TULP3: variants seen among roughly 807,000 people sequenced by gnomAD.
The protein encoded by TULP3 is tubby-related protein 3.
Under a neutral mutation model 50.7 loss-of-function variants are expected in TULP3, and 38 were observed. The observed-to-expected ratio is 0.75, with a 90% CI of 0.58 to 0.98. The LOEUF (loss-of-function observed/expected upper bound fraction) is 0.98. Ranked by LOEUF, TULP3 falls within the 50% of genes least tolerant of loss-of-function variation. The pLI is 0.00. For synonymous variants in TULP3, 183 were observed against 196.6 expected (o/e 0.93, Z 0.58); for missense variants, 550 against 568.0 (o/e 0.97, Z 0.32).
At chr12:2,930,621 C>T (rs958355770) in intron 5 of TULP3, among the ~76,000 whole-genome samples, 1 of 152,076 alleles carries the variant, frequency 6.6e-6, no homozygotes, top group Admixed American at 6.6e-5. Context: ...GACAGGGTTT[C>T]ACCATGTTTG....
chr12:2,892,872 AAT>A (rs2098173035), intron 1 of TULP3, among the ~76,000 whole-genome samples: 1 of 118,018 alleles, frequency 8.5e-6, no homozygotes, highest in African/African-American at 3.7e-5. Context: ...TTTTAATTTT[AAT>A]TTTTTTTTTT....
At chr12:2,938,965 A>G (rs1043270305) in intron 10 of TULP3, among the ~76,000 whole-genome samples, 4 of 150,764 alleles carry the variant, frequency 2.7e-5, no homozygotes, top group African/African-American at 4.9e-5. Flanking sequence ...TCTGTATCAT[A>G]AATAGGATCC....
intron 2 of TULP3, among the ~76,000 whole-genome samples, chr12:2,917,564 A>G (rs371950012): frequency 1.1e-3 from 162 of 152,166 alleles, no homozygotes; most frequent in African/African-American, 3.6e-3. Context: ...ACCACAGCAG[A>G]AAACTCCTTT....
At chr12:2,937,880 C>CA (rs2098202381) in intron 9 of TULP3, 151 bp downstream of exon 9, 1 of 865,356 alleles carries the variant, frequency 1.2e-6, no homozygotes, top group Middle Eastern at 3.4e-4. Context: ...GCTGCCCCTC[C>CA]AAAACCTCAG....
chr12:2,903,423 G>A (rs565871161), intron 1 of TULP3, among the ~76,000 whole-genome samples: 4 of 151,590 alleles, frequency 2.6e-5, no homozygotes, highest in African/African-American at 9.7e-5. Context: ...TTAGCCAGGC[G>A]TGGTGGTGCA....
intron 4 of TULP3, among the ~76,000 whole-genome samples, chr12:2,925,687 C>T (rs1385821102): frequency 6.6e-6 from 1 of 152,124 alleles, no homozygotes; most frequent in African/African-American, 2.4e-5. Flanking sequence ...ATTTTTACAA[C>T]AAAAGAAAGT....
chr12:2,917,650 G>A (rs2098189384), intron 2 of TULP3, among the ~76,000 whole-genome samples: 3 of 151,938 alleles, frequency 2.0e-5, no homozygotes, highest in Admixed American at 2.0e-4. Flanking sequence ...GGCCAAGGCG[G>A]GCGGATCATG....
chr12:2,912,739 T>C (rs567421562), intron 2 of TULP3, among the ~76,000 whole-genome samples: 20 of 152,318 alleles, frequency 1.3e-4, no homozygotes, highest in African/African-American at 4.3e-4. Flanking sequence ...AGTAGAAATA[T>C]CTGTGGGAAG....
intron 1 of TULP3, among the ~76,000 whole-genome samples, chr12:2,906,856 C>T (rs940999704): frequency 1.3e-5 from 2 of 151,480 alleles, no homozygotes; most frequent in African/African-American, 4.8e-5. Context: ...GCGGAGGTTG[C>T]AGCGAGCCAA....
chr12:2,904,921 A>G (rs1183894659), intron 1 of TULP3, among the ~76,000 whole-genome samples: 1 of 151,952 alleles, frequency 6.6e-6, no homozygotes, highest in Admixed American at 6.6e-5. Context: ...CCTGGCCAAC[A>G]TGGCGAAACC....
intron 4 of TULP3, among the ~76,000 whole-genome samples, chr12:2,925,198 G>T (rs1182212568): frequency 6.6e-6 from 1 of 152,120 alleles, no homozygotes. Flanking sequence ...GTAAGAACCT[G>T]TGAGGAATTT....
Position 2,911,664 on chromosome 12 carries a change from C to CTTTTTTTTTTT in TULP3, c.93+2117_93+2127dup, listed in dbSNP as rs56027951. Among the ~76,000 whole-genome samples the CTTTTTTTTTTT allele has an allele frequency of 1.2e-3, 46 of 38,170 alleles. 3 individuals carry two copies. The highest frequency in any genetic ancestry group is 1.7e-3 in the Non-Finnish European group (34 of 19,590). 25.0% of individuals were successfully genotyped at this position (38,170 alleles called of 152,430 possible). ...ACAGGCGTGAGCCACTGCGCCCAGC[C>CTTTTTTTTTTT]TTTTTTTTTTTTTTTTTTTTTTTTT... On this transcript the variant is annotated intron_variant, in intron 2 of 10. Coordinates refer to ENST00000448120, the MANE Select transcript of TULP3 (RefSeq NM_003324.5).
In TULP3 at chr12:2,936,934, C is replaced by T. The variant is rs548445930; in HGVS notation, c.925-697C>T. On this transcript the variant is annotated intron_variant, in intron 8 of 10. Coordinates refer to ENST00000448120, the MANE Select transcript of TULP3 (RefSeq NM_003324.5). ...CATCCTAGCCAACTTGGTGAAACCC[C>T]GTCTCTACTAAAAATACAAAAAATA... 2.0e-3 allele frequency among the ~76,000 whole-genome samples: 302 copies of T among 151,636 alleles called. 3 individuals are homozygous for T. The highest frequency in any genetic ancestry group is 2.3e-3 in the Non-Finnish European group (159 of 67,934).
At chr12:2,928,173 A>G (rs1312776307) in intron 4 of TULP3, among the ~76,000 whole-genome samples, 1 of 152,256 alleles carries the variant, frequency 6.6e-6, no homozygotes, top group East Asian at 1.9e-4. Context: ...GATGCTCCAT[A>G]AATCCAAAGT....
chr12:2,902,737 G>A (rs115061636), intron 1 of TULP3, among the ~76,000 whole-genome samples: 1,926 of 152,186 alleles, frequency 0.013, 46 homozygotes, highest in African/African-American at 0.043. Context: ...GGAGAGTAAC[G>A]TTTTAAAGTA....
At position 2,941,008 on chromosome 12, in the gene TULP3, T is replaced by C; in HGVS notation, c.*1564T>C. On this transcript the variant is annotated 3_prime_UTR_variant, in exon 11 of 11. Coordinates refer to ENST00000448120, the MANE Select transcript of TULP3 (RefSeq NM_003324.5). Reference sequence around the variant, plus strand: ...GGCCAGGTGGACCTCATCCTGCTTCTTCCTCCCTCTGGTTTAAAGAGATAT... The same window carrying C: ...GGCCAGGTGGACCTCATCCTGCTTCCTCCTCCCTCTGGTTTAAAGAGATAT... 4.9e-6 allele frequency: 2 copies of C among 404,822 alleles called. No individual in the cohort carries two copies. Among genetic ancestry groups the C allele is most frequent in the Non-Finnish European group, 8.8e-6 (2 of 227,284 alleles). The allele number at this position is 404,822 out of a possible 1,614,324, so 25.1% of individuals were successfully genotyped here.
At position 2,931,204 on chromosome 12, in the gene TULP3, C is replaced by A. The variant is rs2098197868; in HGVS notation, c.660C>A (p.Thr220=). 1.9e-6 allele frequency: 3 copies of A among 1,614,060 alleles called. No individual in the cohort carries two copies. Among genetic ancestry groups the A allele is most frequent in the Non-Finnish European group, 2.5e-6 (3 of 1,180,056 alleles). The change falls in exon 6 of 11, where the codon ACC becomes ACA. Residue 220 remains threonine, a synonymous_variant. Coordinates refer to ENST00000448120, the MANE Select transcript of TULP3 (RefSeq NM_003324.5). ...KRGMDRGLFP[T]YYMYLEKEEN... is the part of the protein sequence containing the mutation. ...GAATGGATCGGGGTCTCTTCCCCAC[C>A]TACTATATGTACTTGGAAAAAGAAG...
intron 1 of TULP3, among the ~76,000 whole-genome samples, chr12:2,893,714 G>A (rs1433732266): frequency 1.8e-5 from 2 of 110,498 alleles, no homozygotes; most frequent in Non-Finnish European, 3.6e-5. Flanking sequence ...TAGGTTTTCT[G>A]TGTTTTTTTT....
At chr12:2,936,013 T>G (rs539194721) in intron 8 of TULP3, among the ~76,000 whole-genome samples, 151 of 152,040 alleles carry the variant, frequency 9.9e-4, no homozygotes, top group African/African-American at 3.5e-3. Context: ...ACGCCTGTAA[T>G]CCCAGCACTT....
Sources: allele counts gnomAD v4.1 joint callset (sites outside exome capture counted in the v4.1 genomes callset), GRCh38; gene constraint gnomAD v4.1.1; transcripts MANE v1.5; gene names NCBI Gene and HGNC (gene_info 2026-07-23, HGNC 2026-07-21).